The following DNAH11 variants were observed in gnomAD, a reference collection of about 807,000 sequenced individuals.
The protein encoded by DNAH11 is axonemal beta dynein heavy chain 11.
A neutral mutation model predicts 526.0 loss-of-function variants in DNAH11; 442 were observed. The observed-to-expected ratio is 0.84, with a 90% confidence interval of 0.78 to 0.91. The LOEUF is 0.91. Among genes scored for constraint, DNAH11 ranks in the 40% least tolerant of loss-of-function variants. DNAH11 has a pLI of 0.00. For missense variants in DNAH11, 6,989 were observed against 5,448.7 expected (o/e 1.28, Z -8.90); for synonymous variants, 2,461 against 1,935.9 (o/e 1.27, Z -7.12).
At chr7:21,672,224 A>G (rs1214034240) in intron 30 of DNAH11, among the ~76,000 whole-genome samples, 3 of 152,174 alleles carry the variant, frequency 2.0e-5, no homozygotes, top group Admixed American at 6.5e-5. Context: ...GCTGATCTCC[A>G]AGGTGCTATA....
At chr7:21,691,421 C>A (rs1052717559) in intron 35 of DNAH11, among the ~76,000 whole-genome samples, 1 of 151,492 alleles carries the variant, frequency 6.6e-6, no homozygotes, top group Non-Finnish European at 1.5e-5. Flanking sequence ...CCCCTCCTGC[C>A]GCTCTCCTTG....
intron 2 of DNAH11, among the ~76,000 whole-genome samples, chr7:21,554,255 C>T (rs185046362): frequency 4.5e-4 from 68 of 151,358 alleles, no homozygotes; most frequent in African/African-American, 1.5e-3. Context: ...CTCACTGCAA[C>T]CTCCACCTCC....
intron 62 of DNAH11, among the ~76,000 whole-genome samples, chr7:21,805,875 G>T (rs1410084335): frequency 6.6e-6 from 1 of 152,174 alleles, no homozygotes; most frequent in African/African-American, 2.4e-5. Flanking sequence ...ACAGGAGACA[G>T]TTAACTTCTG....
At chr7:21,622,242 C>A (rs903332099) in intron 25 of DNAH11, among the ~76,000 whole-genome samples, 1 of 151,980 alleles carries the variant, frequency 6.6e-6, no homozygotes, top group East Asian at 1.9e-4. Context: ...GAATAAAATA[C>A]CTAGGAATCC....
chr7:21,732,345 G>C (rs991782383), intron 45 of DNAH11, among the ~76,000 whole-genome samples: 3 of 152,120 alleles, frequency 2.0e-5, no homozygotes, highest in African/African-American at 7.2e-5. Context: ...ATCAGATTGG[G>C]TTAGGGCTCA....
chr7:21,822,218 C>A (rs1790084249), intron 65 of DNAH11, among the ~76,000 whole-genome samples: 1 of 152,052 alleles, frequency 6.6e-6, no homozygotes. Context: ...GTAAAAGAAG[C>A]ACAGTGCCAG....
Position 21,765,542 on chromosome 7 carries a change from C to T in DNAH11, c.9055C>T (p.Leu3019=). The change falls in exon 55 of 82, where the codon CTG becomes TTG. Residue 3019 remains leucine (L), a synonymous_variant. Transcript: ENST00000409508. ...GTTTCATGCGTGGCCGCAGGAGGCT[C>T]TGGTCTCCGTCAGCAGGAGGTTCAT... ...DWFHAWPQEA[L]VSVSRRFIEE... The T allele has an allele frequency of 1.2e-6, 2 of 1,602,588 alleles. No homozygotes were observed.
At chr7:21,765,793 C>G (rs184537372) in intron 55 of DNAH11, among the ~76,000 whole-genome samples, 1 of 152,248 alleles carries the variant, frequency 6.6e-6, no homozygotes, top group East Asian at 1.9e-4. Flanking sequence ...TTTTTTCCAC[C>G]ATACATACTG....
intron 54 of DNAH11, among the ~76,000 whole-genome samples, chr7:21,754,640 GT>G (rs925353815): frequency 2.6e-5 from 4 of 151,460 alleles, no homozygotes; most frequent in East Asian, 1.9e-4. Flanking sequence ...TAGGAAGTTG[GT>G]TTTTTTTGTT....
At chr7:21,650,855 G>A (rs569578326) in intron 28 of DNAH11, among the ~76,000 whole-genome samples, 4 of 151,534 alleles carry the variant, frequency 2.6e-5, no homozygotes, top group African/African-American at 4.8e-5. Context: ...GGCCAGGCTG[G>A]TCTCGAACTC....
intron 42 of DNAH11, among the ~76,000 whole-genome samples, chr7:21,712,343 G>T (rs999627811): frequency 1.3e-5 from 2 of 152,042 alleles, no homozygotes; most frequent in Admixed American, 1.3e-4. Context: ...TGTAAACATG[G>T]GTATACAAAT....
chr7:21,615,314 T>A lies in DNAH11; in HGVS notation c.4011+42T>A, dbSNP rs753267030. The A allele has an allele frequency of 5.6e-6, 9 of 1,597,722 alleles. No individual in the cohort carries two copies. The East Asian group carries it at 1.6e-4, about 28-fold the overall frequency. ...CAAAACATGCTTTTTATTTAGTAGTTCTTTTACATATGCAGTTTGTGGAGC... is the reference window on the plus strand; with the variant it reads ...CAAAACATGCTTTTTATTTAGTAGTACTTTTACATATGCAGTTTGTGGAGC... On this transcript the variant is annotated intron_variant, in intron 21 of 81. Transcript: ENST00000409508.
intron 68 of DNAH11, among the ~76,000 whole-genome samples, chr7:21,859,949 C>G (rs10275701): frequency 0.097 from 14,731 of 152,000 alleles, 2,074 homozygotes; most frequent in African/African-American, 0.3. Context: ...GGACATTTCT[C>G]CAAAGATGTT....
chr7:21,656,715 G>A (rs980378956), intron 29 of DNAH11, among the ~76,000 whole-genome samples: 1 of 152,142 alleles, frequency 6.6e-6, no homozygotes, highest in African/African-American at 2.4e-5. Flanking sequence ...TTGGGTTGGG[G>A]CAGGGGTTCC....
At chr7:21,679,181 T>TAA (rs964892207) in intron 30 of DNAH11, among the ~76,000 whole-genome samples, 1 of 146,560 alleles carries the variant, frequency 6.8e-6, no homozygotes, top group African/African-American at 2.5e-5. Flanking sequence ...ATAAGTGGAT[T>TAA]AAAAAAAAAA....
intron 44 of DNAH11, among the ~76,000 whole-genome samples, chr7:21,724,733 G>T (rs1562510495): frequency 6.6e-6 from 1 of 150,596 alleles, no homozygotes; most frequent in Non-Finnish European, 1.5e-5. Flanking sequence ...GTCATCCTAT[G>T]AATATAAGAG....
chr7:21,669,273 G>A (rs956733897), intron 30 of DNAH11, among the ~76,000 whole-genome samples: 2 of 152,130 alleles, frequency 1.3e-5, no homozygotes, highest in African/African-American at 4.8e-5. Flanking sequence ...CTGGGCTCGA[G>A]CGATTCTCCT....
Position 21,543,276 on chromosome 7 carries a change from C to T in DNAH11, c.31C>T (p.Arg11Ter). 3 of 1,541,152 alleles carry T rather than the reference C, an allele frequency of 1.9e-6. No homozygotes were observed. Among genetic ancestry groups the T allele is most frequent in the Non-Finnish European group, 2.6e-6 (3 of 1,141,852 alleles). The change falls in exon 1 of 82, where the codon CGA becomes TGA. Residue 11 changes from arginine (R) to a stop codon, truncating the protein, a stop_gained. Coordinates refer to ENST00000409508, the MANE Select transcript of DNAH11 (RefSeq NM_001277115.2). LOFTEE classifies it high-confidence loss of function. ...AGCCCAGGTGGCAGCCCGGGAGGCG[C>T]GAGACTTCAGAGAAGCCCCGACCCT... MAAQVAAREA[R>*]DFREAPTLRL... is the part of the protein sequence containing the mutation.
In DNAH11 at chr7:21,863,084, AAG is replaced by A. The variant is rs1487143239; in HGVS notation, c.11373+1063_11373+1064del. 4.0e-3 allele frequency among the ~76,000 whole-genome samples: 595 copies of A among 149,736 alleles called. 7 individuals are homozygous for A. The highest frequency in any genetic ancestry group is 0.014 in the African/African-American group (566 of 40,746). On this transcript the variant is annotated intron_variant, in intron 69 of 81. Coordinates refer to ENST00000409508, the MANE Select transcript of DNAH11 (RefSeq NM_001277115.2). The stretch of plus-strand genomic sequence containing the variant: ...GTCTCAAAAAAAAAAAAAAAAGAAA[AAG>A]AAAAGAAAAAGCGTTCGTGATAAGA...
Sources: allele counts gnomAD v4.1 joint callset (sites outside exome capture counted in the v4.1 genomes callset), GRCh38; gene constraint gnomAD v4.1.1; transcripts MANE v1.5; gene names NCBI Gene and HGNC (gene_info 2026-07-23, HGNC 2026-07-21).